The following EDA variants were observed in gnomAD, a reference collection of about 807,000 sequenced individuals.
The protein encoded by EDA is ectodysplasin-A.
Under a neutral mutation model 23.6 loss-of-function variants are expected in EDA, and 2 were observed. That is an observed-to-expected ratio of 0.08 (90% confidence interval 0.03 to 0.27). The LOEUF (loss-of-function observed/expected upper bound fraction) is 0.27, where lower values mean the gene tolerates loss of function less well. EDA is among the 10% of genes least tolerant of loss of function. The pLI is 1.00. For synonymous variants in EDA, 131 were observed against 132.0 expected (o/e 0.99, Z 0.05); for missense variants, 229 against 324.2 (o/e 0.71, Z 2.26).
intron 1 of EDA, among the ~76,000 whole-genome samples, chrX:69,790,750 C>G (rs183985222): frequency 5.6e-4 from 62 of 111,309 alleles, no homozygotes; most frequent in Non-Finnish European, 7.5e-4. Context: ...TCTACACTAT[C>G]ATATTTAAAC....
chrX:69,854,061 G>A (rs1167871854), intron 1 of EDA, among the ~76,000 whole-genome samples: 1 of 111,394 alleles, frequency 9.0e-6, no homozygotes, highest in Non-Finnish European at 1.9e-5. Context: ...GCAAACTTGT[G>A]TCATGGGGGT....
chrX:69,733,068 G>A (rs907317462), intron 1 of EDA, among the ~76,000 whole-genome samples: 9 of 108,315 alleles, frequency 8.3e-5, no homozygotes, highest in African/African-American at 3.0e-4. Context: ...CACTCTGATA[G>A]TAGTTTCTTT....
chrX:69,767,625 A>G (rs1459450761), intron 1 of EDA, among the ~76,000 whole-genome samples: 1 of 112,057 alleles, frequency 8.9e-6, no homozygotes, highest in Non-Finnish European at 1.9e-5. Flanking sequence ...ACTGTTGATA[A>G]ACATGTGACT....
At position 70,022,358 on chromosome X, in the gene EDA, G is replaced by C. The variant is rs189099038; in HGVS notation, c.503-860G>C. On this transcript the variant is annotated intron_variant, in intron 2 of 7. Transcript: ENST00000374552. ...ATTTTATTTATTTATTTATTTTTGA[G>C]ATGGAGTCTCGCTCTGTCACCCAGG... Among the ~76,000 whole-genome samples, 64 of 108,065 alleles carry C rather than the reference G, an allele frequency of 5.9e-4. No homozygotes were observed. The Middle Eastern group carries it at 0.023, about 39-fold the overall frequency. The allele number at this position is 108,065 out of a possible 115,157, so 93.8% of individuals were successfully genotyped here. A position where few individuals can be genotyped will look rare whatever the true frequency, so the allele number is the denominator to read the frequency against.
intron 1 of EDA, among the ~76,000 whole-genome samples, chrX:69,894,143 C>A (rs2017973475): frequency 8.9e-6 from 1 of 111,797 alleles, no homozygotes; most frequent in Non-Finnish European, 1.9e-5. Flanking sequence ...GCAGTTATCC[C>A]AGCACCATTT....
intron 1 of EDA, chrX:69,693,304 A>G (rs1934765270): frequency 1.8e-5 from 2 of 111,838 alleles, no homozygotes; most frequent in Admixed American, 1.9e-4. Context: ...CACCATGACT[A>G]TGACAGCTCT....
chrX:69,886,452 A>G lies in EDA; in HGVS notation c.397-70575A>G, dbSNP rs764459114. On this transcript the variant is annotated intron_variant, in intron 1 of 7. Transcript: ENST00000374552. ...CTGTGACCCCAGAAAAAGGCTGAAG[A>G]CTTCAGTTTCAGCTTGTAGGCCCTA... 2.7e-5 allele frequency among the ~76,000 whole-genome samples: 3 copies of G among 111,139 alleles called. No homozygotes were observed. In the East Asian group the frequency reaches 8.5e-4, roughly 32 times the overall value.
At chrX:69,871,653 C>A (rs1432029650) in intron 1 of EDA, among the ~76,000 whole-genome samples, 1 of 112,226 alleles carries the variant, frequency 8.9e-6, no homozygotes, top group African/African-American at 3.2e-5. Context: ...TGGCAACACC[C>A]ACACAGACAC....
chrX:69,721,242 C>T (rs762387597), intron 1 of EDA, among the ~76,000 whole-genome samples: 29 of 111,728 alleles, frequency 2.6e-4, no homozygotes, highest in Non-Finnish European at 5.1e-4. Context: ...ACCAGTGTTC[C>T]CCACTCTAGT....
chrX:69,782,364 CT>C (rs1466597987), intron 1 of EDA, among the ~76,000 whole-genome samples: 5 of 35,836 alleles, frequency 1.4e-4, no homozygotes, highest in African/African-American at 5.3e-4. Flanking sequence ...ATTAAATGCT[CT>C]TAAAAAAAAA....
intron 1 of EDA, among the ~76,000 whole-genome samples, chrX:69,697,285 C>T (rs1359168045): frequency 9.0e-6 from 1 of 111,436 alleles, no homozygotes; most frequent in Admixed American, 9.5e-5. Context: ...ACGTGTCTTC[C>T]AGCCATCTCT....
intron 1 of EDA, among the ~76,000 whole-genome samples, chrX:69,792,852 C>G (rs2015439841): frequency 8.9e-6 from 1 of 112,010 alleles, no homozygotes; most frequent in Non-Finnish European, 1.9e-5. Context: ...GCTTGAGTTC[C>G]TTGTAGACTG....
At chrX:70,033,925 C>A (rs2020232665) in intron 7 of EDA, among the ~76,000 whole-genome samples, 1 of 111,633 alleles carries the variant, frequency 9.0e-6, no homozygotes, top group South Asian at 3.9e-4. Context: ...TTTCCCTCAA[C>A]ACTGCTGGCT....
In EDA at chrX:70,037,013, C is replaced by T. The variant is rs41310621; in HGVS notation, c.*1404C>T. Reference sequence around the variant, plus strand: ...TAGTTCAGGTCCAAATTCACCTTCCCCTAAACCCCAAGCTTCCCAACAGAT... The same window carrying T: ...TAGTTCAGGTCCAAATTCACCTTCCTCTAAACCCCAAGCTTCCCAACAGAT... On this transcript the variant is annotated 3_prime_UTR_variant, in exon 8 of 8. Transcript: ENST00000374552. 3,638 of 111,931 alleles carry T rather than the reference C, an allele frequency of 0.033. 68 individuals carry two copies. The highest frequency in any genetic ancestry group is 0.043 in the Non-Finnish European group (2,306 of 53,149). The allele number at this position is 111,931 out of a possible 1,213,427, so 9.2% of individuals were successfully genotyped here.
chrX:69,820,459 C>A (rs1234322381), intron 1 of EDA, among the ~76,000 whole-genome samples: 3 of 111,802 alleles, frequency 2.7e-5, no homozygotes, highest in Non-Finnish European at 5.6e-5. Flanking sequence ...AAACAGATAA[C>A]CTACAGAATG....
At chrX:69,960,536 A>G (rs763998812) in intron 2 of EDA, among the ~76,000 whole-genome samples, 1 of 111,107 alleles carries the variant, frequency 9.0e-6, no homozygotes, top group African/African-American at 3.3e-5. Context: ...TATCATGAAA[A>G]TAAGATGACT....
At chrX:69,837,732 G>T (rs1002874446) in intron 1 of EDA, among the ~76,000 whole-genome samples, 7 of 112,018 alleles carry the variant, frequency 6.2e-5, no homozygotes, top group Non-Finnish European at 1.1e-4. Context: ...AAAGCAAAAG[G>T]ATCATCCAAA....
intron 1 of EDA, among the ~76,000 whole-genome samples, chrX:69,939,290 T>C (rs929750546): frequency 1.8e-5 from 2 of 111,992 alleles, no homozygotes; most frequent in African/African-American, 6.5e-5. Flanking sequence ...TTTATAGTTT[T>C]CAATGTAGAG....
chrX:69,688,092 G>C (rs189316831), intron 1 of EDA, among the ~76,000 whole-genome samples: 154 of 111,417 alleles, frequency 1.4e-3, no homozygotes, highest in African/African-American at 5.0e-3. Flanking sequence ...CACTGCCCTG[G>C]GAAAAAGAGG....
Sources: allele counts gnomAD v4.1 joint callset (sites outside exome capture counted in the v4.1 genomes callset), GRCh38; gene constraint gnomAD v4.1.1; transcripts MANE v1.5; gene names NCBI Gene and HGNC (gene_info 2026-07-23, HGNC 2026-07-21).